DVL1: variants seen among roughly 807,000 people sequenced by gnomAD.
DVL1 encodes dishevelled segment polarity protein 1, also known as segment polarity protein dishevelled homolog DVL-1.
DVL1 carries 49 observed loss-of-function variants against 65.0 expected under a neutral mutation model. The ratio of observed to expected loss-of-function variants is 0.75; its 90% CI spans 0.60 to 0.96. DVL1 has a LOEUF of 0.96. Ranked by LOEUF, DVL1 falls within the 40% of genes least tolerant of loss-of-function variation. The pLI, the probability that DVL1 is intolerant of heterozygous loss-of-function variation, is 0.00. For synonymous variants in DVL1, 608 were observed against 433.9 expected (o/e 1.40, Z -4.99); for missense variants, 1,197 against 1,045.4 (o/e 1.15, Z -2.00).
chr1:1,340,803 GCACACATGCA>G (rs1643778013), intron 5 of DVL1, among the ~76,000 whole-genome samples: 1 of 124,960 alleles, frequency 8.0e-6, no homozygotes, highest in South Asian at 2.7e-4. Context: ...CCTGCACAAG[GCACACATGCA>G]CACACCTGCA....
chr1:1,347,970 C>T (rs954832022), intron 1 of DVL1, among the ~76,000 whole-genome samples: 3 of 152,204 alleles, frequency 2.0e-5, no homozygotes, highest in African/African-American at 7.2e-5. Flanking sequence ...GACCCTGCAA[C>T]CACAGAATCC....
chr1:1,338,108 G>A lies in DVL1; in HGVS notation c.1583C>T (p.Pro528Leu), dbSNP rs780834416. The A allele has an allele frequency of 2.6e-5, 42 of 1,609,660 alleles. No homozygotes were observed. Among genetic ancestry groups the A allele is most frequent in the Non-Finnish European group, 3.1e-5 (36 of 1,178,694 alleles). The change falls in exon 14 of 15, where the codon CCG becomes CTG. Residue 528 changes from proline to leucine, a missense_variant. Coordinates refer to ENST00000378888, the MANE Select transcript of DVL1 (RefSeq NM_001330311.2). ...CTGACCCAGAGGCCAGGGGGCAGCC[G>A]GGTGGGGCAGCGGGGCCAGCGTGTC... ...DQDTLAPLPH[P>L]AAPWPLGQGY...
intron 1 of DVL1, among the ~76,000 whole-genome samples, chr1:1,344,447 C>T (rs1643889596): frequency 6.6e-6 from 1 of 152,162 alleles, no homozygotes; most frequent in Admixed American, 6.5e-5. Flanking sequence ...CTCACCCAAG[C>T]CCTGGCCCAC....
At position 1,338,190 on chromosome 1, in the gene DVL1, G is replaced by A. The variant is rs1221384813; in HGVS notation, c.1508-7C>T. 1.3e-6 allele frequency: 2 copies of A among 1,599,954 alleles called. No homozygotes were observed. On this transcript the variant is annotated splice_polypyrimidine_tract_variant and splice_region_variant and intron_variant, in intron 13 of 14. Coordinates refer to ENST00000378888, the MANE Select transcript of DVL1 (RefSeq NM_001330311.2). The stretch of plus-strand genomic sequence containing the variant: ...AGGTTCAGGGTGGCGAGATCTGGCG[G>A]GGGAGGGTAGGTGAGGGCCGCGGAG...
At chr1:1,345,268 G>T (rs1643899738) in intron 1 of DVL1, among the ~76,000 whole-genome samples, 1 of 152,182 alleles carries the variant, frequency 6.6e-6, no homozygotes, top group African/African-American at 2.4e-5. Context: ...CCAACAGGGT[G>T]TAACAAGTCC....
chr1:1,345,558 G>A lies in DVL1; in HGVS notation c.171-2800C>T, dbSNP rs548693934. On this transcript the variant is annotated intron_variant, in intron 1 of 14. Transcript: ENST00000378888. ...GGCAGCTGCCAGGGGCGCCCCTGCC[G>A]GCACTGTGCCCCCACCTTGGGATTC... Among the ~76,000 whole-genome samples, 19 of 152,270 alleles carry A rather than the reference G, an allele frequency of 1.2e-4. 1 individual carries two copies. The South Asian group carries it at 2.1e-3, about 17-fold the overall frequency.
intron 14 of DVL1, 156 bp downstream of exon 14, chr1:1,337,821 G>T (rs1643629650): frequency 1.4e-6 from 1 of 734,300 alleles, no homozygotes; most frequent in Non-Finnish European, 2.4e-6. Context: ...ATGGGATTGG[G>T]GTCAGCAGAG....
chr1:1,336,304 G>A lies in DVL1; in HGVS notation c.1926C>T (p.Pro642=), dbSNP rs769324780. The change falls in exon 15 of 15, where the codon CCC becomes CCT. Residue 642 remains proline, a synonymous_variant. Transcript: ENST00000378888. Reference sequence around the variant, plus strand: ...AGGCCTTGGTCGTGGGGTGGGGCGGGGGGAGCCCCGGGGCGGTAGCCGAGG... The same window carrying A: ...AGGCCTTGGTCGTGGGGTGGGGCGGAGGGAGCCCCGGGGCGGTAGCCGAGG... The part of the protein sequence containing the change: ...SQASATAPGL[P]PPHPTTKAYT... 2.1e-5 allele frequency: 33 copies of A among 1,562,438 alleles called. No homozygotes were observed. The highest frequency in any genetic ancestry group is 2.8e-5 in the Non-Finnish European group (33 of 1,160,690).
chr1:1,346,042 C>T (rs1643910275), intron 1 of DVL1, among the ~76,000 whole-genome samples: 1 of 152,156 alleles, frequency 6.6e-6, no homozygotes, highest in Non-Finnish European at 1.5e-5. Context: ...AGTAGGTGAA[C>T]TGCCTGGACC....
In DVL1 at chr1:1,336,416, T is replaced by G. The variant is rs372749605; in HGVS notation, c.1814A>C (p.Asp605Ala). Residue 605 changes from aspartate to alanine, a missense_variant, in exon 15 of 15, where the codon GAT becomes GCT. Transcript: ENST00000378888. The stretch of plus-strand genomic sequence containing the variant: ...CCCCACCCCACTCGGTGCCGTGTGA[T>G]CCGATTCACTGCCACTGCCCCCAGC... ...AGAGGSGSES[D>A]HTAPSGVGSS... 4 of 1,596,848 alleles carry G rather than the reference T, an allele frequency of 2.5e-6. No homozygotes were observed. The East Asian group carries it at 6.7e-5, about 27-fold the overall frequency.
At chr1:1,337,156 G>C (rs1050297940) in intron 14 of DVL1, 3 of 962,460 alleles carry the variant, frequency 3.1e-6, no homozygotes, top group Non-Finnish European at 3.7e-6. Context: ...CCGCGGGCTG[G>C]GCGGGGCTGA....
At chr1:1,344,891 C>T (rs557550850) in intron 1 of DVL1, among the ~76,000 whole-genome samples, 94 of 152,256 alleles carry the variant, frequency 6.2e-4, no homozygotes, top group East Asian at 2.1e-3. Context: ...CCCTGACACA[C>T]GGCCCCAGGT....
chr1:1,348,819 C>T, intron 1 of DVL1, 77 bp downstream of exon 1: 2 of 1,331,552 alleles, frequency 1.5e-6, no homozygotes, highest in Non-Finnish European at 2.0e-6. Context: ...GGCTCAGGAC[C>T]CCCGCCCCGT....
rs914367453 is a variant in DVL1 at position 1,336,034 on chromosome 1, C to A, written c.*108G>T. 36 of 1,430,444 alleles carry A rather than the reference C, an allele frequency of 2.5e-5. No homozygotes were observed. Among genetic ancestry groups the A allele is most frequent in the Non-Finnish European group, 2.8e-5 (30 of 1,069,554 alleles). The allele number at this position is 1,430,444 out of a possible 1,614,324, so 88.6% of individuals were successfully genotyped here. A position where few individuals can be genotyped will look rare whatever the true frequency, so the allele number is the denominator to read the frequency against. On this transcript the variant is annotated 3_prime_UTR_variant, in exon 15 of 15. Coordinates refer to ENST00000378888, the MANE Select transcript of DVL1 (RefSeq NM_001330311.2). ...GATGGTGGTGGTCCAGCCTGCCCCC[C>A]ACCCTGCCTCCCGTCCTGGCCCCCA...
intron 1 of DVL1, among the ~76,000 whole-genome samples, chr1:1,347,636 C>T (rs934517982): frequency 2.0e-5 from 3 of 152,226 alleles, no homozygotes; most frequent in Non-Finnish European, 4.4e-5. Flanking sequence ...ACAAAAGTAC[C>T]TGACACATGC....
chr1:1,339,141 T>G, intron 11 of DVL1, 146 bp downstream of exon 11: 1 of 1,143,636 alleles, frequency 8.7e-7, no homozygotes, highest in Non-Finnish European at 1.2e-6. Flanking sequence ...CGGGTGCCTG[T>G]GCACACGTCT....
At chr1:1,336,939 C>T (rs1643597742) in intron 14 of DVL1, 4 of 938,376 alleles carry the variant, frequency 4.3e-6, no homozygotes, top group Middle Eastern at 5.3e-4. Context: ...CTGTCCTGGG[C>T]TCCCAAGACG....
rs2100704758 is a variant in DVL1 at position 1,336,502 on chromosome 1, A to G, written c.1728T>C (p.Ser576=). The change falls in exon 15 of 15, where the codon AGT becomes AGC. Residue 576 remains serine (S), a synonymous_variant. Transcript: ENST00000378888. ...GSQQSEGSKS[S]GSTRSSRRAP... is the part of the protein sequence containing the mutation. ...CCCGGCGGCTGCTCCGGGTGGACCCACTGCTTTTGCTCCCTGGGAGTGAGA... is the reference window on the plus strand; with the variant it reads ...CCCGGCGGCTGCTCCGGGTGGACCCGCTGCTTTTGCTCCCTGGGAGTGAGA... 3 of 1,521,162 alleles carry G rather than the reference A, an allele frequency of 2.0e-6. No homozygotes were observed. Among genetic ancestry groups the G allele is most frequent in the African/African-American group, 2.8e-5 (2 of 71,668 alleles). The allele number at this position is 1,521,162 out of a possible 1,614,324, so 94.2% of individuals were successfully genotyped here. A position where few individuals can be genotyped will look rare whatever the true frequency, so the allele number is the denominator to read the frequency against.
rs772781809 is a variant in DVL1 at position 1,340,182 on chromosome 1, A to G, written c.770-5T>C. ...TGCCCAGAAAGTGATGTCTTTCTGC[A>G]GGAAGAGCCATGAGCCGCGGCCAAG... is the stretch of plus-strand genomic sequence containing the variant. On this transcript the variant is annotated splice_polypyrimidine_tract_variant and splice_region_variant and intron_variant, in intron 7 of 14. Transcript: ENST00000378888. The G allele has an allele frequency of 3.3e-5, 54 of 1,613,526 alleles. No homozygotes were observed. The highest frequency in any genetic ancestry group is 5.0e-5 in the Admixed American group (3 of 59,994).
Sources: allele counts gnomAD v4.1 joint callset (sites outside exome capture counted in the v4.1 genomes callset), GRCh38; gene constraint gnomAD v4.1.1; transcripts MANE v1.5; gene names NCBI Gene and HGNC (gene_info 2026-07-23, HGNC 2026-07-21).